Variants in WDPCP observed in about 807,000 individuals in gnomAD.
The protein encoded by WDPCP is WD repeat-containing and planar cell polarity effector protein fritz homolog.
A neutral mutation model predicts 93.1 loss-of-function variants in WDPCP; 71 were observed. The ratio of observed to expected loss-of-function variants is 0.76; its 90% CI spans 0.63 to 0.93. The LOEUF is 0.93. WDPCP is among the 40% of genes least tolerant of loss of function. The probability of loss-of-function intolerance (pLI) is 0.00; values close to 1 mark genes in which losing one functional copy is unlikely to be tolerated. For synonymous variants in WDPCP, 315 were observed against 315.0 expected (o/e 1.00, Z 0.00); for missense variants, 844 against 887.4 (o/e 0.95, Z 0.62).
chr2:63,687,076 TA>T (rs35376272), intron 2 of WDPCP, among the ~76,000 whole-genome samples: 1 of 151,574 alleles, frequency 6.6e-6, no homozygotes, highest in Non-Finnish European at 1.5e-5. Flanking sequence ...GCTGATGAGC[TA>T]AAAAAAATCG....
At chr2:63,369,178 A>C (rs1277728392) in intron 12 of WDPCP, 1 of 260,790 alleles carries the variant, frequency 3.8e-6, no homozygotes, top group African/African-American at 2.2e-5. Context: ...TTGTAACAGA[A>C]GTGTCTATAG....
Position 63,675,281 on chromosome 2 carries a change from C to T in WDPCP, n.309-24443G>A, listed in dbSNP as rs1710391374. On this transcript the variant is annotated intron_variant and non_coding_transcript_variant, in intron 2 of 4. Transcript: ENST00000467687. ...AGTTTCTCAGAATCTTGGCTGAACT[C>T]ACTTAACTCTAGGCTTCCCTATGAG... Among the ~76,000 whole-genome samples the T allele has an allele frequency of 2.0e-5, 3 of 152,170 alleles. No individual in the cohort carries two copies. The South Asian group carries it at 6.2e-4, about 32-fold the overall frequency.
intron 13 of WDPCP, among the ~76,000 whole-genome samples, chr2:63,271,272 C>A (rs1429188491): frequency 2.0e-5 from 3 of 152,238 alleles, no homozygotes; most frequent in Non-Finnish European, 4.4e-5. Flanking sequence ...CTTGCACATA[C>A]CTTTGAGGAG....
intron 2 of WDPCP, among the ~76,000 whole-genome samples, chr2:63,704,819 A>G (rs570477361): frequency 3.7e-4 from 56 of 152,296 alleles, no homozygotes; most frequent in African/African-American, 1.2e-3. Flanking sequence ...TCATAAAATG[A>G]GTCAGGGAGG....
At chr2:63,448,414 C>T (rs1698004409) in intron 6 of WDPCP, among the ~76,000 whole-genome samples, 1 of 147,388 alleles carries the variant, frequency 6.8e-6, no homozygotes, top group African/African-American at 2.5e-5. Context: ...AACCATGCTA[C>T]CTGAGTTAAT....
chr2:63,257,863 A>G (rs150697183), intron 14 of WDPCP, among the ~76,000 whole-genome samples: 2 of 152,280 alleles, frequency 1.3e-5, no homozygotes, highest in African/African-American at 4.8e-5. Context: ...TATATCTGAT[A>G]CCCTGGAATA....
At chr2:63,126,204 G>C (rs971366089) in intron 17 of WDPCP, among the ~76,000 whole-genome samples, 2 of 152,180 alleles carry the variant, frequency 1.3e-5, no homozygotes, top group African/African-American at 4.8e-5. Flanking sequence ...AAAGTGCTGG[G>C]ATTACAGGTG....
In WDPCP at chr2:63,313,860, A is replaced by ATG. The variant is rs1489070285; in HGVS notation, c.1749-550_1749-549insCA. On this transcript the variant is annotated intron_variant, in intron 12 of 17. Transcript: ENST00000272321. The stretch of plus-strand genomic sequence containing the variant: ...CAATACTAATTATTCATACATATAT[A>ATG]TATATATATATATATATATATATAT... 7.7e-4 allele frequency among the ~76,000 whole-genome samples: 6 copies of ATG among 7,820 alleles called. No individual in the cohort carries two copies. The African/African-American group carries it at 8.6e-3, about 11-fold the overall frequency. The allele number at this position is 7,820 out of a possible 152,430, so 5.1% of individuals were successfully genotyped here.
intron 2 of WDPCP, among the ~76,000 whole-genome samples, chr2:63,656,076 T>C (rs1347765427): frequency 2.0e-5 from 3 of 152,206 alleles, no homozygotes; most frequent in South Asian, 2.1e-4. Flanking sequence ...CTGTGGGGAA[T>C]TGGCTGACAT....
intron 14 of WDPCP, among the ~76,000 whole-genome samples, chr2:63,194,302 A>G (rs2104260662): frequency 6.6e-6 from 1 of 151,786 alleles, no homozygotes; most frequent in Middle Eastern, 3.4e-3. Context: ...AGCTTATCAA[A>G]AGAAAGAAAG....
chr2:63,711,230 G>C (rs1669258543), intron 2 of WDPCP, among the ~76,000 whole-genome samples: 1 of 152,078 alleles, frequency 6.6e-6, no homozygotes, highest in African/African-American at 2.4e-5. Context: ...TCTCCTGAAG[G>C]TGAAAACAAT....
At position 63,318,926 on chromosome 2, in the gene WDPCP, A is replaced by C. The variant is rs1308120481; in HGVS notation, c.1749-5615T>G. Among the ~76,000 whole-genome samples, 3 of 152,212 alleles carry C rather than the reference A, an allele frequency of 2.0e-5. No homozygotes were observed. The East Asian group carries it at 5.8e-4, about 29-fold the overall frequency. On this transcript the variant is annotated intron_variant, in intron 12 of 17. Coordinates refer to ENST00000272321, the MANE Select transcript of WDPCP (RefSeq NM_015910.7). ...CGGCTGATGTACCCTTGACCCTAAA[A>C]GTGCAAGAAAAAAAGAATAACTTAT...
At chr2:63,757,825 T>G (rs539821078) in intron 2 of WDPCP, among the ~76,000 whole-genome samples, 1 of 152,204 alleles carries the variant, frequency 6.6e-6, no homozygotes, top group Non-Finnish European at 1.5e-5. Flanking sequence ...CAGAAACACA[T>G]GTATAGATGG....
chr2:63,629,064 T>G (rs1465698714), intron 3 of WDPCP, among the ~76,000 whole-genome samples: 1 of 152,212 alleles, frequency 6.6e-6, no homozygotes, highest in East Asian at 1.9e-4. Context: ...AGGAGTAACA[T>G]GGTGGTGAGT....
Position 63,193,569 on chromosome 2 carries a change from T to C in WDPCP, c.1916-18737A>G, listed in dbSNP as rs564707263. 2.6e-5 allele frequency among the ~76,000 whole-genome samples: 4 copies of C among 152,346 alleles called. No homozygotes were observed. In the East Asian group the frequency reaches 7.7e-4, roughly 29 times the overall value. On this transcript the variant is annotated intron_variant, in intron 14 of 17. Transcript: ENST00000272321. ...GGCATGATCACAGCTCACTGCAACC[T>C]CTAACTGCTAGGTTTAAGCAATCCT...
At chr2:63,829,454 A>G (rs545110962), upstream of WDPCP, among the ~76,000 whole-genome samples, 97 of 152,210 alleles carry the variant, frequency 6.4e-4, no homozygotes, top group African/African-American at 2.1e-3. Flanking sequence ...TTTTTTAACA[A>G]ATTGACTCTA....
chr2:63,456,940 AG>A (rs1462567996), intron 6 of WDPCP, among the ~76,000 whole-genome samples: 1 of 152,146 alleles, frequency 6.6e-6, no homozygotes, highest in African/African-American at 2.4e-5. Context: ...TAAACCTGGG[AG>A]GTGGAGGTTG....
In WDPCP at chr2:63,153,502, A is replaced by G. The variant is rs779047965; in HGVS notation, c.2151T>C (p.Asn717=). 6.2e-7 allele frequency: 1 copy of G among 1,611,194 alleles called. No individual in the cohort carries two copies. Among genetic ancestry groups the G allele is most frequent in the East Asian group, 2.2e-5 (1 of 44,666 alleles). The change falls in exon 16 of 18, where the codon AAT becomes AAC. Residue 717 remains asparagine (N), a synonymous_variant. Coordinates refer to ENST00000272321, the MANE Select transcript of WDPCP (RefSeq NM_015910.7). ...CSGFLMTNTC[N]AEDGELREDG... ...TGTCTTGAATACCATTACCTTCTGC[A>G]TTACAGGTATTAGTCATCAAAAATC...
intron 3 of WDPCP, among the ~76,000 whole-genome samples, chr2:63,628,486 G>T (rs1201587873): frequency 6.6e-6 from 1 of 152,032 alleles, no homozygotes; most frequent in Non-Finnish European, 1.5e-5. Flanking sequence ...TAAAATAATC[G>T]ATTTAAAAAG....
Sources: gnomAD v4.1 joint callset for allele counts (sites outside exome capture counted in the v4.1 genomes callset) on GRCh38, gnomAD v4.1.1 for gene constraint, MANE v1.5 for transcripts, NCBI Gene and HGNC (gene_info 2026-07-23, HGNC 2026-07-21) for gene names.